TEX9: variants seen among roughly 807,000 people sequenced by gnomAD.
TEX9 encodes testis-expressed protein 9.
TEX9 carries 74 observed loss-of-function variants against 59.6 expected under a neutral mutation model. That is an observed-to-expected ratio of 1.24 (90% CI 1.03 to 1.51). The LOEUF (loss-of-function observed/expected upper bound fraction) is 1.51, where lower values mean the gene tolerates loss of function less well. TEX9 is among the 40% of genes most tolerant of loss of function. The pLI, the probability that TEX9 is intolerant of heterozygous loss-of-function variation, is 0.00. For synonymous variants in TEX9, 186 were observed against 152.2 expected (o/e 1.22, Z -1.64); for missense variants, 522 against 447.8 (o/e 1.17, Z -1.49).
rs1340538554 is a variant in TEX9, at chr15:56,422,400, T to C, written c.964-5205T>C. On this transcript the variant is annotated intron_variant, in intron 10 of 12. Transcript: ENST00000352903. ...TGTTGTTTTAGTTGGCCCGTATGTTTTCTTTCCCTTCTTTTTGAATTGCTT... is the reference window on the plus strand; with the variant it reads ...TGTTGTTTTAGTTGGCCCGTATGTTCTCTTTCCCTTCTTTTTGAATTGCTT... Among the ~76,000 whole-genome samples the C allele has an allele frequency of 3.3e-5, 5 of 151,816 alleles. 1 individual carries two copies. The highest frequency in any genetic ancestry group is 1.3e-4 in the Admixed American group (2 of 15,258).
intron 1 of TEX9, among the ~76,000 whole-genome samples, chr15:56,340,686 C>T (rs530369260): frequency 5.9e-5 from 9 of 151,976 alleles, no homozygotes; most frequent in Non-Finnish European, 1.3e-4. Context: ...TTCTTGCTCA[C>T]GTATGTTACT....
At chr15:56,280,201 C>T (rs2044781468) in intron 1 of TEX9, among the ~76,000 whole-genome samples, 1 of 152,132 alleles carries the variant, frequency 6.6e-6, no homozygotes, top group South Asian at 2.1e-4. Flanking sequence ...CTGTATATAA[C>T]CCTATCATAA....
chr15:56,405,589 A>G (rs2049039679), intron 9 of TEX9, among the ~76,000 whole-genome samples: 1 of 152,206 alleles, frequency 6.6e-6, no homozygotes, highest in African/African-American at 2.4e-5. Flanking sequence ...AGGCTTTTAT[A>G]AAAGCTTCCA....
At chr15:56,359,090 C>A (rs576316949) in intron 1 of TEX9, among the ~76,000 whole-genome samples, 110 of 152,182 alleles carry the variant, frequency 7.2e-4, no homozygotes, top group African/African-American at 2.4e-3. Flanking sequence ...TCTCTTTAAG[C>A]TCCTCTTGGC....
At chr15:56,370,660 G>A (rs1484070819) in intron 2 of TEX9, among the ~76,000 whole-genome samples, 1 of 152,098 alleles carries the variant, frequency 6.6e-6, no homozygotes, top group Non-Finnish European at 1.5e-5. Flanking sequence ...TAATTATGCT[G>A]GTAGACTATT....
At chr15:56,339,422 A>G (rs1264980646) in intron 1 of TEX9, among the ~76,000 whole-genome samples, 15 of 148,704 alleles carry the variant, frequency 1.0e-4, no homozygotes, top group African/African-American at 3.7e-4. Context: ...AAACAGGAGA[A>G]TAACTTAGCC....
intron 3 of TEX9, among the ~76,000 whole-genome samples, chr15:56,379,146 T>TATTTGAAG (rs1179929028): frequency 6.6e-6 from 1 of 152,094 alleles, no homozygotes; most frequent in East Asian, 1.9e-4. Flanking sequence ...CTAAGTCATT[T>TATTTGAAG]ATTTGAAGTT....
chr15:56,434,203 G>A (rs775871877), intron 12 of TEX9: 2 of 1,613,754 alleles, frequency 1.2e-6, no homozygotes, highest in Admixed American at 1.7e-5. Flanking sequence ...CTGTGTTCCA[G>A]CTGCTTCATT....
At chr15:56,364,345 G>A (rs1448175238), upstream of TEX9, among the ~76,000 whole-genome samples, 1 of 151,204 alleles carries the variant, frequency 6.6e-6, no homozygotes, top group Non-Finnish European at 1.5e-5. Context: ...GAGTGGCGGG[G>A]TTTCTCCATA....
chr15:56,307,571 A>G (rs1232409645), intron 1 of TEX9, among the ~76,000 whole-genome samples: 14 of 152,264 alleles, frequency 9.2e-5, no homozygotes, highest in African/African-American at 3.4e-4. Context: ...TTAAAAAATA[A>G]CAGCTTTGTT....
rs550017652 is a variant in TEX9 at position 56,272,084 on chromosome 15, C to G, written c.-107+27806C>G. On this transcript the variant is annotated intron_variant, in intron 1 of 5. Transcript: ENST00000560827. Reference sequence around the variant, plus strand: ...GCCGGAACCGGGGAGGCAGAGCTTGCAGTGAGCTGAGATCGCGCCACTGCA... The same window carrying G: ...GCCGGAACCGGGGAGGCAGAGCTTGGAGTGAGCTGAGATCGCGCCACTGCA... Among the ~76,000 whole-genome samples the G allele has an allele frequency of 2.0e-5, 3 of 151,472 alleles. No individual in the cohort carries two copies. The East Asian group carries it at 5.8e-4, about 29-fold the overall frequency.
chr15:56,457,815 T>TA, the TEX9 span, among the ~76,000 whole-genome samples: 198 of 140,690 alleles, frequency 1.4e-3, no homozygotes, highest in African/African-American at 3.2e-3. Context: ...CCCTGTCTCT[T>TA]AAAAAAAAAA....
At chr15:56,333,781 G>C (rs1372577427) in intron 1 of TEX9, among the ~76,000 whole-genome samples, 1 of 152,026 alleles carries the variant, frequency 6.6e-6, no homozygotes, top group Non-Finnish European at 1.5e-5. Flanking sequence ...AAAACATAAA[G>C]ACTTAACCAA....
chr15:56,245,114 C>T (rs2043817034), intron 1 of TEX9, among the ~76,000 whole-genome samples: 1 of 152,150 alleles, frequency 6.6e-6, no homozygotes, highest in South Asian at 2.1e-4. Context: ...GGACTTTGGG[C>T]TGTGGGGCTC....
chr15:56,431,675 A>G (rs1369800350), intron 12 of TEX9, among the ~76,000 whole-genome samples: 3 of 152,106 alleles, frequency 2.0e-5, no homozygotes, highest in East Asian at 3.9e-4. Context: ...CTGTACACAT[A>G]TCTATGTATT....
At chr15:56,261,774 A>C (rs1299688936) in intron 1 of TEX9, among the ~76,000 whole-genome samples, 1 of 152,106 alleles carries the variant, frequency 6.6e-6, no homozygotes. Context: ...ACTGGCTAGC[A>C]AGAAGAGGAT....
intron 3 of TEX9, among the ~76,000 whole-genome samples, chr15:56,376,910 A>G (rs546201935): frequency 6.6e-6 from 1 of 152,166 alleles, no homozygotes; most frequent in Non-Finnish European, 1.5e-5. Context: ...TCTTCAATAC[A>G]TTTTGATTTG....
At chr15:56,287,893 T>C (rs2044990923) in intron 1 of TEX9, among the ~76,000 whole-genome samples, 1 of 152,158 alleles carries the variant, frequency 6.6e-6, no homozygotes, top group African/African-American at 2.4e-5. Context: ...GTTGTGTATA[T>C]ATATATTTTC....
At chr15:56,342,663 C>A (rs1370494022) in intron 1 of TEX9, among the ~76,000 whole-genome samples, 1 of 152,068 alleles carries the variant, frequency 6.6e-6, no homozygotes, top group Non-Finnish European at 1.5e-5. Context: ...TTTTAAAAAG[C>A]CTTCATAGAA....
Sources: allele counts gnomAD v4.1 joint callset (sites outside exome capture counted in the v4.1 genomes callset), GRCh38; gene constraint gnomAD v4.1.1; transcripts MANE v1.5; gene names NCBI Gene and HGNC (gene_info 2026-07-23, HGNC 2026-07-21).